The following NRXN1 variants were observed in gnomAD, a reference collection of about 807,000 sequenced individuals.
NRXN1 encodes the protein neurexin-1.
Under a neutral mutation model 150.9 loss-of-function variants are expected in NRXN1, and 39 were observed. The observed-to-expected ratio is 0.26, with a 90% CI of 0.20 to 0.34. The LOEUF is 0.34. NRXN1 is among the 10% of genes least tolerant of loss of function. NRXN1 has a pLI of 1.00. For synonymous variants in NRXN1, 924 were observed against 757.0 expected, an observed-to-expected ratio of 1.22 and a Z score of -3.62; for missense variants, 1,815 against 1,949.9, an observed-to-expected ratio of 0.93 and a Z score of 1.30.
At chr2:50,057,475 T>C (rs1693832405) in intron 19 of NRXN1, among the ~76,000 whole-genome samples, 1 of 152,188 alleles carries the variant, frequency 6.6e-6, no homozygotes. Context: ...ACTATATTAT[T>C]TGTAGCTCCT....
chr2:49,942,100 C>T lies in NRXN1; in HGVS notation c.4216+1604G>A, dbSNP rs1021869990. Among the ~76,000 whole-genome samples the T allele has an allele frequency of 3.3e-5, 5 of 152,194 alleles. No individual in the cohort carries two copies. The South Asian group carries it at 6.2e-4, about 19-fold the overall frequency. Reference sequence around the variant, plus strand: ...TGCCATGATGTGACTTTATCTGTCACGACAACCAAGAGGGAATGATTGCAG... The same window carrying T: ...TGCCATGATGTGACTTTATCTGTCATGACAACCAAGAGGGAATGATTGCAG... On this transcript the variant is annotated intron_variant, in intron 22 of 22. Transcript: ENST00000401669.
At chr2:50,031,538 A>T (rs1053699849) in intron 21 of NRXN1, among the ~76,000 whole-genome samples, 1 of 152,126 alleles carries the variant, frequency 6.6e-6, no homozygotes, top group Non-Finnish European at 1.5e-5. Context: ...CATTCACAAT[A>T]TATGGAATTT....
chr2:50,978,305 T>TATATATATATATATATAA (rs1436964052), intron 2 of NRXN1, among the ~76,000 whole-genome samples: 2 of 121,634 alleles, frequency 1.6e-5, no homozygotes, highest in Non-Finnish European at 3.6e-5. Flanking sequence ...TATATATATA[T>TATATATATATATATATAA]AAAATATATA....
At chr2:50,672,551 T>C (rs1045370746) in intron 5 of NRXN1, among the ~76,000 whole-genome samples, 5 of 151,934 alleles carry the variant, frequency 3.3e-5, no homozygotes, top group Admixed American at 6.6e-5. Context: ...AGGCTGGAAA[T>C]AGTGTTACAA....
chr2:51,009,848 G>C (rs1159436376), intron 2 of NRXN1, among the ~76,000 whole-genome samples: 1 of 151,724 alleles, frequency 6.6e-6, no homozygotes, highest in African/African-American at 2.4e-5. Context: ...ATCTGGTTCT[G>C]GACCCTGCAT....
chr2:50,584,867 G>T (rs746437353), intron 8 of NRXN1, among the ~76,000 whole-genome samples: 23 of 152,150 alleles, frequency 1.5e-4, no homozygotes, highest in Non-Finnish European at 3.4e-4. Context: ...GCCCCATGTA[G>T]AAATGAGAAG....
chr2:50,589,732 C>G (rs1243453212), intron 8 of NRXN1, among the ~76,000 whole-genome samples: 1 of 119,644 alleles, frequency 8.4e-6, no homozygotes, highest in Non-Finnish European at 1.8e-5. Context: ...CAGCAAAACC[C>G]AACTGTTATA....
intron 17 of NRXN1, among the ~76,000 whole-genome samples, chr2:50,370,791 A>G (rs1210235298): frequency 6.6e-6 from 1 of 152,004 alleles, no homozygotes; most frequent in Non-Finnish European, 1.5e-5. Flanking sequence ...ACACGAATTC[A>G]AAAGTGCTAA....
At chr2:50,669,739 G>C (rs779744014) in intron 5 of NRXN1, among the ~76,000 whole-genome samples, 23 of 151,252 alleles carry the variant, frequency 1.5e-4, no homozygotes, top group Non-Finnish European at 1.5e-4. Context: ...TATATATGTA[G>C]AGATCTGAGA....
intron 18 of NRXN1, among the ~76,000 whole-genome samples, chr2:50,115,174 C>T (rs1469415275): frequency 6.9e-6 from 1 of 145,614 alleles, no homozygotes; most frequent in Non-Finnish European, 1.5e-5. Context: ...CCTAAAACTA[C>T]TCTAAAGAAT....
intron 5 of NRXN1, among the ~76,000 whole-genome samples, chr2:50,799,672 T>C (rs544587325): frequency 6.6e-6 from 1 of 152,262 alleles, no homozygotes; most frequent in African/African-American, 2.4e-5. Flanking sequence ...AAAATAGGCT[T>C]TGTATTAGAT....
intron 17 of NRXN1, among the ~76,000 whole-genome samples, chr2:50,423,711 G>A (rs1417702167): frequency 1.3e-5 from 2 of 151,866 alleles, no homozygotes; most frequent in Non-Finnish European, 2.9e-5. Flanking sequence ...GGTTATAATG[G>A]TGATGGAGAG....
At chr2:50,459,885 C>G (rs1277893406) in intron 17 of NRXN1, among the ~76,000 whole-genome samples, 2 of 152,052 alleles carry the variant, frequency 1.3e-5, no homozygotes, top group Admixed American at 6.6e-5. Flanking sequence ...CAGTTAGCAC[C>G]TCTGATTAAG....
chr2:50,243,025 G>A (rs1252144627), intron 17 of NRXN1, among the ~76,000 whole-genome samples: 3 of 151,780 alleles, frequency 2.0e-5, no homozygotes, highest in Non-Finnish European at 4.4e-5. Context: ...AGTTAAGGAT[G>A]ATATTCAAGA....
intron 5 of NRXN1, among the ~76,000 whole-genome samples, chr2:50,791,085 T>C (rs1479538642): frequency 6.6e-6 from 1 of 151,570 alleles, no homozygotes; most frequent in Non-Finnish European, 1.5e-5. Context: ...TGGATTTATG[T>C]TGTTTTTTTT....
intron 17 of NRXN1, among the ~76,000 whole-genome samples, chr2:50,400,117 T>C (rs1310082357): frequency 2.6e-5 from 4 of 152,030 alleles, no homozygotes; most frequent in African/African-American, 9.7e-5. Flanking sequence ...TACAGATTGT[T>C]CCCTTCACCT....
intron 18 of NRXN1, among the ~76,000 whole-genome samples, chr2:50,166,658 A>G (rs1477385985): frequency 6.6e-6 from 1 of 152,080 alleles, no homozygotes; most frequent in Non-Finnish European, 1.5e-5. Flanking sequence ...GAAAACTGAT[A>G]CAGATGCTAA....
At chr2:50,609,207 G>A (rs907452272) in intron 8 of NRXN1, among the ~76,000 whole-genome samples, 2 of 152,130 alleles carry the variant, frequency 1.3e-5, no homozygotes, top group Non-Finnish European at 2.9e-5. Flanking sequence ...ATGAGACAAT[G>A]TGTGCAAAAT....
At chr2:50,411,615 G>A (rs559091556) in intron 17 of NRXN1, among the ~76,000 whole-genome samples, 1 of 151,766 alleles carries the variant, frequency 6.6e-6, no homozygotes, top group South Asian at 2.1e-4. Flanking sequence ...CCTTCTGGGA[G>A]GTGAGGAGCG....
Sources: allele counts gnomAD v4.1 joint callset (sites outside exome capture counted in the v4.1 genomes callset), GRCh38; gene constraint gnomAD v4.1.1; transcripts MANE v1.5; gene names NCBI Gene and HGNC (gene_info 2026-07-23, HGNC 2026-07-21).